NAP1L1: variants seen among roughly 807,000 people sequenced by gnomAD.
The protein encoded by NAP1L1 is nucleosome assembly protein 1-like 1.
Under a neutral mutation model 58.9 loss-of-function variants are expected in NAP1L1, and 9 were observed. The observed-to-expected ratio is 0.15, with a 90% confidence interval of 0.09 to 0.27. The LOEUF (loss-of-function observed/expected upper bound fraction) is 0.27. Among genes scored for constraint, NAP1L1 ranks in the 10% least tolerant of loss-of-function variants. NAP1L1 has a pLI of 1.00. For missense variants in NAP1L1, 302 were observed against 458.8 expected (o/e 0.66, Z 3.12); for synonymous variants, 130 against 138.3 (o/e 0.94, Z 0.42).
intron 1 of NAP1L1, among the ~76,000 whole-genome samples, chr12:76,083,053 C>A (rs1248310607): frequency 1.3e-5 from 2 of 152,124 alleles, no homozygotes; most frequent in African/African-American, 2.4e-5. Flanking sequence ...GTCTAAAATA[C>A]GGGCTCCTTG....
At chr12:76,057,509 G>A in intron 6 of NAP1L1, 1 of 695,418 alleles carries the variant, frequency 1.4e-6, no homozygotes, top group Non-Finnish European at 2.6e-6. Flanking sequence ...AGAGCTGGCG[G>A]GGCCTGTGCA....
At chr12:76,080,894 A>G (rs1950377116) in intron 1 of NAP1L1, among the ~76,000 whole-genome samples, 2 of 152,134 alleles carry the variant, frequency 1.3e-5, no homozygotes, top group South Asian at 4.2e-4. Flanking sequence ...TTCTTTATAA[A>G]TTACCCAGTT....
chr12:76,078,894 C>T (rs1232883408), intron 1 of NAP1L1, among the ~76,000 whole-genome samples: 1 of 152,030 alleles, frequency 6.6e-6, no homozygotes, highest in Admixed American at 6.6e-5. Context: ...AGTTAATACG[C>T]AATAATTTTC....
chr12:76,068,023 T>C (rs1171182691), intron 3 of NAP1L1, among the ~76,000 whole-genome samples: 2 of 152,202 alleles, frequency 1.3e-5, no homozygotes, highest in South Asian at 2.1e-4. Flanking sequence ...TGGTTTTCAA[T>C]GGCTTTTTAA....
At chr12:76,057,903 G>C in intron 6 of NAP1L1, 1 of 1,277,012 alleles carries the variant, frequency 7.8e-7, no homozygotes, top group Non-Finnish European at 1.1e-6. Context: ...AAAATTCCCA[G>C]AGCAAAGAAA....
intron 11 of NAP1L1, among the ~76,000 whole-genome samples, chr12:76,052,085 G>A (rs1315442077): frequency 6.6e-6 from 1 of 151,896 alleles, no homozygotes; most frequent in Non-Finnish European, 1.5e-5. Context: ...CAAGTTCTAT[G>A]ATACTAAACA....
At chr12:76,082,828 T>C (rs1950460103) in intron 1 of NAP1L1, among the ~76,000 whole-genome samples, 1 of 152,170 alleles carries the variant, frequency 6.6e-6, no homozygotes, top group Non-Finnish European at 1.5e-5. Flanking sequence ...TTCCAAAGTA[T>C]AGGAGTATTA....
chr12:76,080,758 C>T (rs1049767889), intron 1 of NAP1L1, among the ~76,000 whole-genome samples: 3 of 152,174 alleles, frequency 2.0e-5, no homozygotes, highest in African/African-American at 7.2e-5. Context: ...TTTGTCCCCT[C>T]TAAAACTCAA....
At chr12:76,069,393 T>A (rs1307997206) in intron 2 of NAP1L1, among the ~76,000 whole-genome samples, 1 of 152,242 alleles carries the variant, frequency 6.6e-6, no homozygotes, top group Non-Finnish European at 1.5e-5. Context: ...TACCTTTAGC[T>A]ACACTATTTT....
intron 2 of NAP1L1, among the ~76,000 whole-genome samples, chr12:76,073,243 C>T (rs1950040947): frequency 6.6e-6 from 1 of 151,804 alleles, no homozygotes; most frequent in African/African-American, 2.4e-5. Context: ...ACTGAAGTTT[C>T]CAGCCCTCCC....
chr12:76,074,883 T>C (rs935726038), intron 1 of NAP1L1, among the ~76,000 whole-genome samples: 5 of 152,160 alleles, frequency 3.3e-5, no homozygotes, highest in Non-Finnish European at 1.5e-5. Context: ...GTTAGATAAC[T>C]GACAACCACC....
chr12:76,049,545 T>C (rs1444428872), intron 13 of NAP1L1: 1 of 1,534,386 alleles, frequency 6.5e-7, no homozygotes, highest in Non-Finnish European at 8.7e-7. Context: ...AACAAAATTA[T>C]TTGAAATAAA....
chr12:76,048,847 T>C (rs932459047), intron 14 of NAP1L1: 4 of 403,722 alleles, frequency 9.9e-6, no homozygotes, highest in Admixed American at 4.1e-5. Context: ...TCTAACAAAC[T>C]GCACTGCTCC....
chr12:76,050,609 A>C lies in NAP1L1; in HGVS notation c.981T>G (p.Gly327=). Residue 327 remains glycine, a synonymous_variant, in exon 12 of 15, where the codon GGT becomes GGG. Transcript: ENST00000618691. The part of the protein sequence containing the change: ...EAILAADFEI[G]HFLRERIIPR... ...GGATTATACGCTCACGTAAAAAGTG[A>C]CCAATTTCGAAGTCTGCAGCAAGGA... The C allele has an allele frequency of 6.2e-7, 1 of 1,612,876 alleles. No homozygotes were observed. The highest frequency in any genetic ancestry group is 8.5e-7 in the Non-Finnish European group (1 of 1,179,708).
chr12:76,042,846 C>G lies in NAP1L1; in HGVS notation c.*5583G>C, dbSNP rs1948562654. ...ATTCCAGGGCTGAAATAGAAAACGC[C>G]TGTAAGACTAGAAAACTTTTTGAGC... On this transcript the variant is annotated 3_prime_UTR_variant, in exon 15 of 15. Coordinates refer to ENST00000618691, the MANE Select transcript of NAP1L1 (RefSeq NM_004537.7). The G allele has an allele frequency of 2.0e-5, 3 of 152,118 alleles. No individual in the cohort carries two copies. Among genetic ancestry groups the G allele is most frequent in the Admixed American group, 2.0e-4 (3 of 15,274 alleles). The allele number at this position is 152,118 out of a possible 1,614,324, so 9.4% of individuals were successfully genotyped here.
intron 2 of NAP1L1, among the ~76,000 whole-genome samples, chr12:76,072,843 T>C (rs1266782039): frequency 2.0e-5 from 3 of 152,006 alleles, no homozygotes; most frequent in Non-Finnish European, 4.4e-5. Context: ...GGCATAAAGG[T>C]AGAATAGTCG....
Position 76,046,400 on chromosome 12 carries a change from G to C in NAP1L1, c.*2029C>G, listed in dbSNP as rs909116403. On this transcript the variant is annotated 3_prime_UTR_variant, in exon 15 of 15. Transcript: ENST00000618691. ...TGGCAATAGCTATTTCCTAAAGAATGAAAAAGATGATTTTGCTACTTCAGT... is the reference window on the plus strand; with the variant it reads ...TGGCAATAGCTATTTCCTAAAGAATCAAAAAGATGATTTTGCTACTTCAGT... The C allele has an allele frequency of 3.3e-5, 5 of 151,990 alleles. No homozygotes were observed. The highest frequency in any genetic ancestry group is 1.2e-4 in the African/African-American group (5 of 41,300). The allele number at this position is 151,990 out of a possible 1,614,324, so 9.4% of individuals were successfully genotyped here. A position where few individuals can be genotyped will look rare whatever the true frequency, so the allele number is the denominator to read the frequency against.
At chr12:76,077,257 T>C (rs1950215014) in intron 1 of NAP1L1, among the ~76,000 whole-genome samples, 1 of 152,208 alleles carries the variant, frequency 6.6e-6, no homozygotes. Flanking sequence ...CATTTACTCC[T>C]CCAGAGAAGG....
rs1471373982 is a variant in NAP1L1 at position 76,053,777 on chromosome 12, A to G, written c.763T>C (p.Cys255Arg). The G allele has an allele frequency of 6.2e-7, 1 of 1,609,098 alleles. No individual in the cohort carries two copies. The highest frequency in any genetic ancestry group is 8.5e-7 in the Non-Finnish European group (1 of 1,178,958). Residue 255 changes from cysteine to arginine, a missense_variant, in exon 9 of 15, where the codon TGT becomes CGT. By Grantham distance (180) the Cys-to-Arg change is radical. Transcript: ENST00000618691. ...TAGTAAAATTAAACTCACCCTGTACAACCCATAATTTCTGGTCCATCAAAA... is the reference window on the plus strand; with the variant it reads ...TAGTAAAATTAAACTCACCCTGTACGACCCATAATTTCTGGTCCATCAAAA... The part of the protein sequence containing the change: ...FSFDGPEIMG[C>R]TGCQIDWKKG...
Sources: gnomAD v4.1 joint callset for allele counts (sites outside exome capture counted in the v4.1 genomes callset) on GRCh38, gnomAD v4.1.1 for gene constraint, MANE v1.5 for transcripts, NCBI Gene and HGNC (gene_info 2026-07-23, HGNC 2026-07-21) for gene names.